Variants in LARP1B observed in about 807,000 individuals in gnomAD.
LARP1B encodes la-related protein 1B.
LARP1B carries 76 observed loss-of-function variants against 114.2 expected under a neutral mutation model. The observed-to-expected ratio is 0.67, with a 90% CI of 0.55 to 0.81. The LOEUF (loss-of-function observed/expected upper bound fraction) is 0.81. Among genes scored for constraint, LARP1B ranks in the 30% least tolerant of loss-of-function variants. LARP1B has a pLI of 0.00. For missense variants in LARP1B, 1,014 were observed against 1,075.8 expected (o/e 0.94, Z 0.80); for synonymous variants, 345 against 348.0 (o/e 0.99, Z 0.10).
chr4:128,123,109 C>T, intron 11 of LARP1B: 1 of 985,316 alleles, frequency 1.0e-6, no homozygotes, highest in Non-Finnish European at 1.2e-6. Flanking sequence ...GTCGGTGGGG[C>T]TTCATATCAT....
At chr4:128,128,628 A>T (rs1790433455) in intron 11 of LARP1B, among the ~76,000 whole-genome samples, 1 of 152,206 alleles carries the variant, frequency 6.6e-6, no homozygotes, top group Non-Finnish European at 1.5e-5. Flanking sequence ...ATTGCAAGAA[A>T]ATATACCACG....
chr4:128,110,110 G>A (rs1035745307), intron 9 of LARP1B, among the ~76,000 whole-genome samples: 2 of 151,960 alleles, frequency 1.3e-5, no homozygotes, highest in African/African-American at 4.8e-5. Context: ...CACCATGTTG[G>A]TCAGGCTTGT....
Position 128,210,984 on chromosome 4 carries a change from C to A in LARP1B, c.*931C>A, listed in dbSNP as rs1288782893. The A allele has an allele frequency of 1.1e-6, 1 of 926,370 alleles. No homozygotes were observed. Among genetic ancestry groups the A allele is most frequent in the African/African-American group, 1.8e-5 (1 of 55,936 alleles). 57.4% of individuals were successfully genotyped at this position (926,370 alleles called of 1,614,324 possible). On this transcript the variant is annotated 3_prime_UTR_variant, in exon 20 of 20. Transcript: ENST00000326639. ...AATTTAAAATGAATACTTAGTTTTA[C>A]CTTTTTGTTTATTTTTTGTTTAATT...
At chr4:128,098,747 G>GTATATATATATATATATATATA (rs1554010737) in intron 8 of LARP1B, among the ~76,000 whole-genome samples, 2 of 15,584 alleles carry the variant, frequency 1.3e-4, no homozygotes, top group African/African-American at 1.9e-4. Context: ...ATATGTATGT[G>GTATATATATATATATATATATA]TATATATATA....
chr4:128,209,293 C>T (rs1158905097), intron 19 of LARP1B, among the ~76,000 whole-genome samples: 4 of 152,096 alleles, frequency 2.6e-5, no homozygotes, highest in Non-Finnish European at 5.9e-5. Flanking sequence ...TGGTGGCTTG[C>T]GCCTCTACTC....
At chr4:128,119,509 A>C (rs1252157337) in intron 10 of LARP1B, among the ~76,000 whole-genome samples, 2 of 152,120 alleles carry the variant, frequency 1.3e-5, no homozygotes, top group Non-Finnish European at 2.9e-5. Flanking sequence ...AGCGATCTTT[A>C]TATAGTTTTA....
chr4:128,156,276 T>C, intron 11 of LARP1B: 2 of 957,090 alleles, frequency 2.1e-6, no homozygotes, highest in Non-Finnish European at 3.2e-6. Flanking sequence ...CCAGTCCAGC[T>C]GGCCTGGACA....
intron 10 of LARP1B, among the ~76,000 whole-genome samples, 200 bp downstream of exon 10, chr4:128,114,942 A>ATT (rs372891425): frequency 1.3e-5 from 2 of 149,832 alleles, no homozygotes; most frequent in African/African-American, 4.9e-5. Context: ...AATGTTATTT[A>ATT]TTTTTTTTTT....
chr4:128,122,371 T>C, intron 11 of LARP1B, 183 bp downstream of exon 11: 1 of 1,462,248 alleles, frequency 6.8e-7, no homozygotes, highest in Non-Finnish European at 9.0e-7. Flanking sequence ...TTTTATTTTA[T>C]GAAAGTAACA....
intron 15 of LARP1B, 145 bp downstream of exon 15, chr4:128,179,657 G>T (rs779513737): frequency 1.0e-5 from 5 of 492,894 alleles, no homozygotes; most frequent in Non-Finnish European, 1.8e-5. Context: ...AGCCAAAGAA[G>T]AGATAAGTTT....
At chr4:128,061,646 C>T (rs2149229653) in intron 1 of LARP1B, 2 of 980,478 alleles carry the variant, frequency 2.0e-6, no homozygotes, top group Admixed American at 6.2e-5. Flanking sequence ...CAGTCGGGTT[C>T]CCTGGCCTCG....
chr4:128,076,080 T>A (rs776919790), intron 3 of LARP1B, among the ~76,000 whole-genome samples: 5 of 151,926 alleles, frequency 3.3e-5, no homozygotes, highest in Non-Finnish European at 7.4e-5. Context: ...GTGGTGGGAT[T>A]TCAGCTCACT....
At chr4:128,112,827 T>A (rs1784577487) in intron 9 of LARP1B, among the ~76,000 whole-genome samples, 1 of 152,116 alleles carries the variant, frequency 6.6e-6, no homozygotes, top group African/African-American at 2.4e-5. Context: ...TATGAAACAA[T>A]ATATAGTCTT....
chr4:128,155,685 G>C (rs1735232177), intron 11 of LARP1B: 2 of 1,605,610 alleles, frequency 1.2e-6, no homozygotes, highest in African/African-American at 2.7e-5. Flanking sequence ...CTTGTGAACA[G>C]ATCAGCCCGG....
In LARP1B at chr4:128,196,021, A is replaced by G. The variant is rs1227385080; in HGVS notation, c.2004-3418A>G. ...GTAATCCCAGCACTTTGTGAGGCTG[A>G]GGCAGGTGGATCACAAGGTCAGGAG... On this transcript the variant is annotated intron_variant, in intron 15 of 19. Transcript: ENST00000326639. Among the ~76,000 whole-genome samples, 3 of 152,120 alleles carry G rather than the reference A, an allele frequency of 2.0e-5. No individual in the cohort carries two copies. The East Asian group carries it at 5.8e-4, about 29-fold the overall frequency.
intron 15 of LARP1B, among the ~76,000 whole-genome samples, chr4:128,184,195 A>T (rs576602358): frequency 6.6e-6 from 1 of 152,326 alleles, no homozygotes; most frequent in South Asian, 2.1e-4. Context: ...GTAAAATGCT[A>T]TCAGGACAGC....
intron 1 of LARP1B, among the ~76,000 whole-genome samples, chr4:128,062,771 G>A (rs1417399663): frequency 7.5e-6 from 1 of 133,362 alleles, no homozygotes; most frequent in African/African-American, 2.8e-5. Context: ...GTGCTTTATG[G>A]GGGGAGGGGG....
intron 11 of LARP1B, among the ~76,000 whole-genome samples, chr4:128,136,355 A>AG (rs1455658576): frequency 6.6e-6 from 1 of 151,990 alleles, no homozygotes; most frequent in Non-Finnish European, 1.5e-5. Flanking sequence ...AAAACAAAAA[A>AG]CAAAACTTAC....
chr4:128,206,040 C>T (rs1757492551), intron 17 of LARP1B, among the ~76,000 whole-genome samples: 7 of 152,168 alleles, frequency 4.6e-5, no homozygotes. Context: ...CCTGTAATCC[C>T]AGCACTTTGG....
Sources: gnomAD v4.1 joint callset for allele counts (sites outside exome capture counted in the v4.1 genomes callset) on GRCh38, gnomAD v4.1.1 for gene constraint, MANE v1.5 for transcripts, NCBI Gene and HGNC (gene_info 2026-07-23, HGNC 2026-07-21) for gene names.